PLCH1: variants seen among roughly 807,000 people sequenced by gnomAD.
PLCH1 encodes the protein 1-phosphatidylinositol 4,5-bisphosphate phosphodiesterase eta-1.
Under a neutral mutation model 126.7 loss-of-function variants are expected in PLCH1, and 60 were observed. The ratio of observed to expected loss-of-function variants is 0.47; its 90% CI spans 0.38 to 0.59. The LOEUF (loss-of-function observed/expected upper bound fraction) is 0.59. PLCH1 is among the 20% of genes least tolerant of loss of function. The pLI is 0.00. For missense variants in PLCH1, 1,723 were observed against 2,040.0 expected (o/e 0.84, Z 2.99); for synonymous variants, 719 against 734.9 (o/e 0.98, Z 0.35).
At chr3:155,707,868 T>A (rs1746799661) in intron 1 of PLCH1, among the ~76,000 whole-genome samples, 1 of 152,154 alleles carries the variant, frequency 6.6e-6, no homozygotes. Flanking sequence ...TTCACATACT[T>A]GGACATTAGC....
intron 1 of PLCH1, among the ~76,000 whole-genome samples, chr3:155,711,312 A>G (rs991654133): frequency 2.0e-5 from 3 of 152,148 alleles, no homozygotes; most frequent in Non-Finnish European, 4.4e-5. Context: ...AATCATGTAA[A>G]ATTTCTTTAT....
intron 2 of PLCH1, among the ~76,000 whole-genome samples, chr3:155,630,426 A>T (rs929910951): frequency 6.6e-6 from 1 of 152,234 alleles, no homozygotes; most frequent in Admixed American, 6.5e-5. Context: ...GATCAATCAG[A>T]ATATAGTGGA....
intron 21 of PLCH1, among the ~76,000 whole-genome samples, chr3:155,471,134 A>G (rs924279301): frequency 5.9e-5 from 9 of 152,196 alleles, no homozygotes; most frequent in East Asian, 3.9e-4. Flanking sequence ...AGACTGGCAA[A>G]TTGGATAAAC....
intron 2 of PLCH1, among the ~76,000 whole-genome samples, chr3:155,604,984 A>G (rs140832896): frequency 2.1e-3 from 325 of 152,326 alleles, no homozygotes; most frequent in African/African-American, 7.3e-3. Flanking sequence ...CCATTCTGTC[A>G]TGGACGGCAT....
At chr3:155,550,886 G>A (rs1293527711) in intron 9 of PLCH1, among the ~76,000 whole-genome samples, 2 of 152,010 alleles carry the variant, frequency 1.3e-5, no homozygotes, top group Admixed American at 6.6e-5. Context: ...TCCACAATAC[G>A]GGCTATGACC....
chr3:155,689,647 G>T (rs1173596487), intron 2 of PLCH1, among the ~76,000 whole-genome samples: 1 of 151,894 alleles, frequency 6.6e-6, no homozygotes, highest in Admixed American at 6.6e-5. Flanking sequence ...ACGTGATGAA[G>T]AATCTTTTAA....
intron 4 of PLCH1, among the ~76,000 whole-genome samples, chr3:155,587,582 G>A (rs563133120): frequency 5.6e-4 from 86 of 152,268 alleles, no homozygotes; most frequent in African/African-American, 2.0e-3. Context: ...TCTAAATCAC[G>A]GGCAGGTAAT....
intron 4 of PLCH1, 22 bp from the exon 5 acceptor site, chr3:155,586,216 C>T (rs1731349522): frequency 6.2e-7 from 1 of 1,609,772 alleles, no homozygotes; most frequent in Non-Finnish European, 8.5e-7. Flanking sequence ...TCAAAGAAAA[C>T]ACCTGTGCTC....
downstream of PLCH1, among the ~76,000 whole-genome samples, chr3:155,475,990 AACC>A (rs1305772412): frequency 6.6e-6 from 1 of 152,170 alleles, no homozygotes; most frequent in East Asian, 1.9e-4. Flanking sequence ...TTGACACAAA[AACC>A]AGAAAAAGAC....
intron 8 of PLCH1, among the ~76,000 whole-genome samples, chr3:155,555,600 T>C (rs1726721977): frequency 6.6e-6 from 1 of 152,254 alleles, no homozygotes; most frequent in Admixed American, 6.5e-5. Flanking sequence ...TTAATTACCA[T>C]GCTAGCTCCT....
At chr3:155,554,044 ACCG>A (rs1333676180) in intron 9 of PLCH1, 29 bp downstream of exon 9, 1 of 1,609,624 alleles carries the variant, frequency 6.2e-7, no homozygotes, top group East Asian at 2.2e-5. Flanking sequence ...GCGGGAGGCT[ACCG>A]CTTAGCTCAC....
chr3:155,480,283 A>T lies in PLCH1; in HGVS notation c.*685T>A, dbSNP rs2107994405. 1 of 152,764 alleles carries T rather than the reference A, an allele frequency of 6.5e-6. No homozygotes were observed. The highest frequency in any genetic ancestry group is 1.9e-4 in the East Asian group (1 of 5,184). 9.5% of individuals were successfully genotyped at this position (152,764 alleles called of 1,614,324 possible). A position where few individuals can be genotyped will look rare whatever the true frequency, so the allele number is the denominator to read the frequency against. ...TGTTACATACAAAGCCATTAGCAAA[A>T]ATATGTAACAAAATTTATGTAAAAC... On this transcript the variant is annotated 3_prime_UTR_variant, in exon 23 of 23. Transcript: ENST00000460012.
In PLCH1 at chr3:155,524,517, AG is replaced by A. The variant is rs1413976992; in HGVS notation, c.1363-514del. Among the ~76,000 whole-genome samples, 8 of 152,352 alleles carry A rather than the reference AG, an allele frequency of 5.3e-5. No homozygotes were observed. The East Asian group carries it at 1.3e-3, about 26-fold the overall frequency. On this transcript the variant is annotated intron_variant, in intron 10 of 22. Transcript: ENST00000460012. ...CTACAATTAAAAATCATTTTTGAAA[AG>A]TAAAAACTGAAAATAAAATGTTGTA... is the stretch of plus-strand genomic sequence containing the variant.
chr3:155,622,443 C>T (rs1405179037), intron 2 of PLCH1, among the ~76,000 whole-genome samples: 8 of 152,162 alleles, frequency 5.3e-5, no homozygotes, highest in Non-Finnish European at 1.2e-4. Flanking sequence ...GGCTAAATGC[C>T]CCCAGTTAAA....
intron 11 of PLCH1, among the ~76,000 whole-genome samples, chr3:155,518,773 A>T (rs1452217144): frequency 6.6e-6 from 1 of 152,184 alleles, no homozygotes; most frequent in Non-Finnish European, 1.5e-5. Flanking sequence ...TAGGGTATCC[A>T]GTATCACACA....
chr3:155,471,717 A>G (rs1713257284), intron 21 of PLCH1, among the ~76,000 whole-genome samples: 1 of 151,424 alleles, frequency 6.6e-6, no homozygotes, highest in Non-Finnish European at 1.5e-5. Context: ...CAGAAATTAT[A>G]ACAAACTATC....
rs763998750 is a variant in PLCH1 at position 155,482,410 on chromosome 3, C to A, written c.3616G>T (p.Val1206Phe). 1.1e-5 allele frequency: 17 copies of A among 1,614,016 alleles called. No individual in the cohort carries two copies. Among genetic ancestry groups the A allele is most frequent in the Non-Finnish European group, 1.3e-5 (15 of 1,180,032 alleles). The stretch of plus-strand genomic sequence containing the variant: ...ACACTGGTATTATGAAGATGAGAAA[C>A]AACTGTGAGAGCCTGATTGTTGGTC... ...DETNNQALTV[V>F]SHLHNTSVMS... Residue 1206 changes from valine (V) to phenylalanine (F), a missense_variant, in exon 23 of 23, where the codon GTT (valine) becomes TTT (phenylalanine). Around this residue, in one of 2 missense-constraint regions of PLCH1, gnomAD observed 947 missense variants for 977.1 expected, o/e 0.97. Coordinates refer to ENST00000460012, the MANE Select transcript of PLCH1 (RefSeq NM_014996.4).
intron 2 of PLCH1, among the ~76,000 whole-genome samples, chr3:155,599,813 T>A (rs1432278784): frequency 6.6e-6 from 1 of 152,224 alleles, no homozygotes; most frequent in East Asian, 1.9e-4. Flanking sequence ...GGGTCCTCTG[T>A]TTTGTTCACA....
In PLCH1 at chr3:155,481,402, C is replaced by T. The variant is rs749766798; in HGVS notation, c.4624G>A (p.Val1542Met). Residue 1542 changes from valine (V) to methionine (M), a missense_variant, in exon 23 of 23, where the codon GTG becomes ATG. Physicochemically the swap from Val to Met is conservative, Grantham distance 21. Around this residue, in one of 2 missense-constraint regions of PLCH1, gnomAD observed 947 missense variants for 977.1 expected, o/e 0.97. Coordinates refer to ENST00000460012, the MANE Select transcript of PLCH1 (RefSeq NM_014996.4). This position sits in a 1 kb window ranked among gnomAD's most constrained non-coding sequence, Gnocchi z 4.2. ...CAGTTGTCTTCCTGGTCAAAGGACA[C>T]AAGCTTCCGAAGCTGCTCGGTCAGG... is the stretch of plus-strand genomic sequence containing the variant. ...DALTEQLRKL[V>M]SFDQEDNCQV... The T allele has an allele frequency of 6.2e-7, 1 of 1,614,102 alleles. No individual in the cohort carries two copies. Among genetic ancestry groups the T allele is most frequent in the Admixed American group, 1.7e-5 (1 of 60,006 alleles).
Sources: gnomAD v4.1 joint callset for allele counts (sites outside exome capture counted in the v4.1 genomes callset) on GRCh38, gnomAD v4.1.1 for gene constraint, gnomAD v4.1.1 regional missense constraint, Gnocchi (gnomAD v3.1) non-coding constraint, MANE v1.5 for transcripts, NCBI Gene and HGNC (gene_info 2026-07-23, HGNC 2026-07-21) for gene names.